The following GRM5 variants were observed in gnomAD, a reference collection of about 807,000 sequenced individuals.
GRM5 encodes the protein glutamate metabotropic receptor 5.
In GRM5, 19 loss-of-function variants were observed where a neutral mutation model predicts 83.1. The observed-to-expected ratio is 0.23, with a 90% CI of 0.16 to 0.34. The LOEUF is 0.34. Among genes scored for constraint, GRM5 ranks in the 10% least tolerant of loss-of-function variants. The pLI is 1.00. For missense variants in GRM5, 1,160 were observed against 1,588.3 expected, an observed-to-expected ratio of 0.73 and a Z score of 4.58; for synonymous variants, 675 against 633.6, an observed-to-expected ratio of 1.07 and a Z score of -0.98.
intron 4 of GRM5, among the ~76,000 whole-genome samples, chr11:88,637,710 G>C (rs11020736): frequency 0.68 from 94,896 of 139,916 alleles, 37,291 homozygotes; most frequent in Non-Finnish European, 0.89. Context: ...GTTGGTGGGA[G>C]TGTAAACTAG....
chr11:88,995,033 G>T (rs1329345211), intron 2 of GRM5, among the ~76,000 whole-genome samples: 2 of 152,106 alleles, frequency 1.3e-5, no homozygotes. Context: ...GAGCAAAATG[G>T]TCTAGCTGTA....
At chr11:88,694,535 C>T (rs1442779396) in intron 3 of GRM5, among the ~76,000 whole-genome samples, 1 of 142,938 alleles carries the variant, frequency 7.0e-6, no homozygotes, top group African/African-American at 2.6e-5. Flanking sequence ...TTTCCAGCTC[C>T]ATCCTTCTTA....
intron 4 of GRM5, among the ~76,000 whole-genome samples, chr11:88,615,758 G>A (rs144501249): frequency 4.6e-5 from 7 of 151,164 alleles, no homozygotes; most frequent in African/African-American, 1.7e-4. Flanking sequence ...AGAGACATTT[G>A]TTAATACGTT....
chr11:88,708,706 A>T (rs535076391), intron 3 of GRM5, among the ~76,000 whole-genome samples: 1 of 152,242 alleles, frequency 6.6e-6, no homozygotes, highest in Admixed American at 6.5e-5. Context: ...TTTAAAATTT[A>T]TATAGGAAAA....
intron 2 of GRM5, among the ~76,000 whole-genome samples, chr11:88,973,046 T>C (rs1939215877): frequency 6.6e-6 from 1 of 152,064 alleles, no homozygotes; most frequent in Non-Finnish European, 1.5e-5. Flanking sequence ...TATTCCAGAT[T>C]GAAAGGTATT....
chr11:88,787,082 T>C (rs1378026588), intron 3 of GRM5, among the ~76,000 whole-genome samples: 2 of 151,304 alleles, frequency 1.3e-5, no homozygotes, highest in African/African-American at 4.9e-5. Flanking sequence ...GTTAATAGAA[T>C]GAACAAAACA....
At chr11:88,739,065 T>G (rs79092521) in intron 3 of GRM5, among the ~76,000 whole-genome samples, 3,554 of 152,200 alleles carry the variant, frequency 0.023, 144 homozygotes, top group African/African-American at 0.079. Context: ...AATTACGTAT[T>G]TCATAGCACA....
At chr11:88,967,030 C>A (rs538769377) in intron 2 of GRM5, among the ~76,000 whole-genome samples, 1 of 151,934 alleles carries the variant, frequency 6.6e-6, no homozygotes, top group Non-Finnish European at 1.5e-5. Flanking sequence ...ATGTCATACA[C>A]CCTATCGGGC....
intron 3 of GRM5, among the ~76,000 whole-genome samples, chr11:88,813,578 C>A (rs1488024194): frequency 2.6e-5 from 4 of 152,138 alleles, no homozygotes; most frequent in Non-Finnish European, 5.9e-5. Flanking sequence ...TCTTCCAGTG[C>A]AAGTTTTCTA....
intron 2 of GRM5, among the ~76,000 whole-genome samples, chr11:88,964,225 T>C (rs1938875364): frequency 6.6e-6 from 1 of 152,142 alleles, no homozygotes; most frequent in African/African-American, 2.4e-5. Flanking sequence ...TTAAAAATTG[T>C]TAGTGAGACA....
At chr11:89,038,481 A>T (rs2135136600) in intron 2 of GRM5, among the ~76,000 whole-genome samples, 1 of 152,302 alleles carries the variant, frequency 6.6e-6, no homozygotes, top group South Asian at 2.1e-4. Context: ...TGAAGGACAG[A>T]GTGTGGAGCC....
At chr11:88,876,962 G>C (rs190036046) in intron 2 of GRM5, among the ~76,000 whole-genome samples, 1 of 152,020 alleles carries the variant, frequency 6.6e-6, no homozygotes, top group Non-Finnish European at 1.5e-5. Flanking sequence ...AAGAAGTCAC[G>C]CACCTAAGGC....
At position 88,800,526 on chromosome 11, in the gene GRM5, T is replaced by C. The variant is rs116668485; in HGVS notation, c.911+49380A>G. 2.7e-3 allele frequency among the ~76,000 whole-genome samples: 413 copies of C among 152,290 alleles called. 3 individuals carry two copies. Among genetic ancestry groups the C allele is most frequent in the African/African-American group, 9.2e-3 (383 of 41,564 alleles). On this transcript the variant is annotated intron_variant, in intron 3 of 9. Transcript: ENST00000305447. Reference sequence around the variant, plus strand: ...GGACAAGAATCATATTGTGTTTACCTTAAATCCTTAGTGCCAATTGCATTG... The same window carrying C: ...GGACAAGAATCATATTGTGTTTACCCTAAATCCTTAGTGCCAATTGCATTG...
At chr11:88,766,861 A>C (rs569382146) in intron 3 of GRM5, among the ~76,000 whole-genome samples, 1 of 152,090 alleles carries the variant, frequency 6.6e-6, no homozygotes, top group Non-Finnish European at 1.5e-5. Flanking sequence ...ACAAGCAAAA[A>C]CCAAACAACC....
chr11:88,989,460 A>G (rs1939878057), intron 2 of GRM5, among the ~76,000 whole-genome samples: 1 of 113,020 alleles, frequency 8.8e-6, no homozygotes, highest in South Asian at 3.7e-4. Flanking sequence ...AACAAGACAG[A>G]AAGTCAACAA....
chr11:88,951,461 ACT>A (rs930980013), intron 2 of GRM5, among the ~76,000 whole-genome samples: 3 of 151,914 alleles, frequency 2.0e-5, no homozygotes, highest in Non-Finnish European at 4.4e-5. Context: ...AGCCTGCTGA[ACT>A]CTCTATTTTG....
chr11:88,971,212 A>G (rs1939154872), intron 2 of GRM5, among the ~76,000 whole-genome samples: 1 of 152,242 alleles, frequency 6.6e-6, no homozygotes, highest in Admixed American at 6.5e-5. Context: ...AAATTAAAAT[A>G]TAAAAACATA....
intron 2 of GRM5, among the ~76,000 whole-genome samples, chr11:88,964,788 A>G (rs1002804461): frequency 6.6e-6 from 1 of 152,124 alleles, no homozygotes; most frequent in African/African-American, 2.4e-5. Context: ...TAGGAATTAT[A>G]TCCATTCTCA....
At chr11:88,918,598 C>T (rs1049183939) in intron 2 of GRM5, among the ~76,000 whole-genome samples, 1 of 151,930 alleles carries the variant, frequency 6.6e-6, no homozygotes, top group Non-Finnish European at 1.5e-5. Context: ...ATATAAAATA[C>T]TGTAACTGTA....
Sources: gnomAD v4.1 joint callset for allele counts (sites outside exome capture counted in the v4.1 genomes callset) on GRCh38, gnomAD v4.1.1 for gene constraint, MANE v1.5 for transcripts, NCBI Gene and HGNC (gene_info 2026-07-23, HGNC 2026-07-21) for gene names.